The following FGFRL1 variants were observed in gnomAD, a reference collection of about 807,000 sequenced individuals.
FGFRL1 encodes fibroblast growth factor receptor-like 1.
FGFRL1 carries 24 observed loss-of-function variants against 36.8 expected under a neutral mutation model. That is an observed-to-expected ratio of 0.65 (90% CI 0.47 to 0.92). The LOEUF (loss-of-function observed/expected upper bound fraction) is 0.92. Ranked by LOEUF, FGFRL1 falls within the 40% of genes least tolerant of loss-of-function variation. The probability of loss-of-function intolerance (pLI) is 0.00; values close to 1 mark genes in which losing one functional copy is unlikely to be tolerated. For missense variants in FGFRL1, 785 were observed against 753.4 expected (o/e 1.04, Z -0.49); for synonymous variants, 422 against 344.1 (o/e 1.23, Z -2.50).
chr4:1,017,353 AG>A (rs903627023), intron 2 of FGFRL1, among the ~76,000 whole-genome samples: 9 of 152,090 alleles, frequency 5.9e-5, no homozygotes, highest in African/African-American at 2.2e-4. Context: ...GTTGGGGTTG[AG>A]GGGGCCACAC....
intron 2 of FGFRL1, among the ~76,000 whole-genome samples, chr4:1,014,372 T>C (rs1471818091): frequency 6.6e-6 from 1 of 152,254 alleles, no homozygotes; most frequent in Non-Finnish European, 1.5e-5. Context: ...TGAAATGTCT[T>C]TCACAAATAA....
chr4:1,019,610 A>G lies in FGFRL1; in HGVS notation c.80-2593A>G, dbSNP rs553720747. ...CCTGCAGCCGCTTCCTCCCCGGGAC[A>G]AATTTGCCAGAGCTGCCCCCAGCCC... On this transcript the variant is annotated intron_variant, in intron 2 of 6. Transcript: ENST00000510644. Among the ~76,000 whole-genome samples the G allele has an allele frequency of 2.0e-5, 3 of 152,314 alleles. No homozygotes were observed. In the East Asian group the frequency reaches 5.8e-4, roughly 29 times the overall value.
chr4:1,014,629 T>TG (rs35229585), intron 2 of FGFRL1, among the ~76,000 whole-genome samples: 70,282 of 152,022 alleles, frequency 0.46, 16,463 homozygotes, highest in Middle Eastern at 0.65. Flanking sequence ...GTCTGAAGGG[T>TG]TGTGATTCGG....
In FGFRL1 at chr4:1,025,693, TACAC is replaced by T. The variant is rs575306605; in HGVS notation, c.*349_*352del. On this transcript the variant is annotated 3_prime_UTR_variant, in exon 7 of 7. Transcript: ENST00000510644. ...CATACAAGGACATGCTGCCTGAACATACACACGCACACCCATGCGCAGATGTGCT... is the reference window on the plus strand; with the variant it reads ...CATACAAGGACATGCTGCCTGAACATACGCACACCCATGCGCAGATGTGCT... 3.2e-4 allele frequency: 122 copies of T among 384,428 alleles called. 1 individual carries two copies. Among genetic ancestry groups the T allele is most frequent in the Middle Eastern group, 7.3e-4 (1 of 1,362 alleles). 23.8% of individuals were successfully genotyped at this position (384,428 alleles called of 1,614,324 possible).
At position 1,023,276 on chromosome 4, in the gene FGFRL1, G is replaced by C. The variant is rs949873365; in HGVS notation, c.353-365G>C. Among the ~76,000 whole-genome samples, 1 of 152,104 alleles carries C rather than the reference G, an allele frequency of 6.6e-6. No individual in the cohort carries two copies. Among genetic ancestry groups the C allele is most frequent in the Non-Finnish European group, 1.5e-5 (1 of 67,978 alleles). ...TCCTTTCAAAGGGGACGATGACCGG[G>C]TGGTATGAGAGTCTCGTCTGTTCAC... On this transcript the variant is annotated intron_variant, in intron 3 of 6. Coordinates refer to ENST00000510644, the MANE Select transcript of FGFRL1 (RefSeq NM_001004356.3). The surrounding 1 kb of genome is among the most constrained non-coding windows in gnomAD (Gnocchi z 6.0).
chr4:1,024,843 G>T, intron 6 of FGFRL1, 62 bp from the exon 7 acceptor site: 1 of 1,510,612 alleles, frequency 6.6e-7, no homozygotes, highest in Non-Finnish European at 8.9e-7. Flanking sequence ...TGGGTCTGGG[G>T]TGCTCTCCTG....
rs770272151 is a variant in FGFRL1 at position 1,023,750 on chromosome 4, C to T, written c.433+29C>T. The T allele has an allele frequency of 1.6e-5, 25 of 1,548,180 alleles. No individual in the cohort carries two copies. The highest frequency in any genetic ancestry group is 4.1e-5 in the African/African-American group (3 of 73,688). ...AGCAGGGGGTGACGGGGGTGGGGGG[C>T]GTCCGTCTGTCCCGGCCCCTTGGCT... is the stretch of plus-strand genomic sequence containing the variant. On this transcript the variant is annotated intron_variant, in intron 4 of 6. Transcript: ENST00000510644. This position sits in a 1 kb window ranked among gnomAD's most constrained non-coding sequence, Gnocchi z 6.0.
upstream of FGFRL1, among the ~76,000 whole-genome samples, chr4:1,011,496 C>T (rs1402493057): frequency 8.7e-6 from 1 of 115,328 alleles, no homozygotes; most frequent in Non-Finnish European, 1.8e-5. Flanking sequence ...GGGGCGGGGG[C>T]GGTGTGCGCG....
chr4:1,022,441 C>T lies in FGFRL1; in HGVS notation c.318C>T (p.Gly106=), dbSNP rs754122283. Residue 106 remains glycine, a synonymous_variant, in exon 3 of 7, where the codon GGC becomes GGT. Transcript: ENST00000510644. ...TGTGCAAGGCCACCAACGGCTTCGG[C>T]AGCCTGAGCGTCAACTACACCCTCG... is the stretch of plus-strand genomic sequence containing the variant. ...VYVCKATNGF[G]SLSVNYTLVV... 3 of 1,609,144 alleles carry T rather than the reference C, an allele frequency of 1.9e-6. No individual in the cohort carries two copies. Among genetic ancestry groups the T allele is most frequent in the Admixed American group, 1.7e-5 (1 of 59,752 alleles).
Position 1,025,091 on chromosome 4 carries a change from C to T in FGFRL1, c.1259C>T (p.Pro420Leu), listed in dbSNP as rs375985073. Residue 420 changes from proline (P) to leucine (L), a missense_variant, in exon 7 of 7, where the codon CCG (proline) becomes CTG (leucine). Physicochemically the swap from Pro to Leu is moderately conservative, Grantham distance 98. Coordinates refer to ENST00000510644, the MANE Select transcript of FGFRL1 (RefSeq NM_001004356.3). ...PAPPLPGHRP[P>L]GTARDRSGDK... is the part of the protein sequence containing the mutation. Reference sequence around the variant, plus strand: ...CCTCCCCTGCCTGGGCACCGCCCGCCGGGGACGGCCCGCGACCGCAGCGGA... The same window carrying T: ...CCTCCCCTGCCTGGGCACCGCCCGCTGGGGACGGCCCGCGACCGCAGCGGA... 47 of 1,610,296 alleles carry T rather than the reference C, an allele frequency of 2.9e-5. No individual in the cohort carries two copies. In the African/African-American group the frequency reaches 2.9e-4, roughly 10 times the overall value.
intron 3 of FGFRL1, 114 bp downstream of exon 3, chr4:1,022,589 A>C: frequency 7.3e-7 from 1 of 1,364,350 alleles, no homozygotes; most frequent in East Asian, 2.5e-5. Context: ...CCCCGGCAGA[A>C]AGCCTTCCTT....
At position 1,024,965 on chromosome 4, in the gene FGFRL1, C is replaced by T. The variant is rs775146211; in HGVS notation, c.1133C>T (p.Pro378Leu). The T allele has an allele frequency of 1.2e-6, 2 of 1,608,964 alleles. No homozygotes were observed. The highest frequency in any genetic ancestry group is 1.7e-6 in the Non-Finnish European group (2 of 1,179,510). ...TCCTCGGCCACTAGCCTGCCGTGGC[C>T]CGTGGTCATCGGCATCCCAGCCGGC... ...SSSSATSLPW[P>L]VVIGIPAGAV... The change falls in exon 7 of 7, where the codon CCC becomes CTC. Residue 378 changes from proline (P) to leucine (L), a missense_variant. Pro to Leu is a moderately conservative substitution (Grantham distance 98). Transcript: ENST00000510644.
intron 2 of FGFRL1, among the ~76,000 whole-genome samples, chr4:1,021,396 G>A (rs1449223174): frequency 1.3e-5 from 2 of 152,060 alleles, no homozygotes; most frequent in Admixed American, 6.5e-5. Context: ...AGACAGGAGC[G>A]GCAGTGCCCG....
intron 2 of FGFRL1, among the ~76,000 whole-genome samples, chr4:1,017,068 C>T (rs978760436): frequency 2.0e-5 from 3 of 152,166 alleles, no homozygotes; most frequent in South Asian, 2.1e-4. Flanking sequence ...ACTAGGGGTT[C>T]GACACAGTGT....
Position 1,022,237 on chromosome 4 carries a change from G to A in FGFRL1, c.114G>A (p.Arg38=), listed in dbSNP as rs201988101. ...PPKMADKVVP[R]QVARLGRTVR... is the part of the protein sequence containing the mutation. ...AGATGGCGGACAAGGTGGTCCCACG[G>A]CAGGTGGCCCGGCTGGGCCGCACTG... Residue 38 remains arginine, a synonymous_variant, in exon 3 of 7, where the codon CGG becomes CGA. Coordinates refer to ENST00000510644, the MANE Select transcript of FGFRL1 (RefSeq NM_001004356.3). 1.3e-5 allele frequency: 20 copies of A among 1,555,902 alleles called. No homozygotes were observed. The highest frequency in any genetic ancestry group is 1.8e-5 in the Admixed American group (1 of 54,150).
chr4:1,022,581 C>T, intron 3 of FGFRL1, 106 bp downstream of exon 3: 3 of 1,403,634 alleles, frequency 2.1e-6, no homozygotes, highest in Middle Eastern at 2.6e-4. Context: ...CAGCCAGCCC[C>T]CGGCAGAAAG....
At chr4:1,022,031 G>A (rs1014406185) in intron 2 of FGFRL1, among the ~76,000 whole-genome samples, 172 bp from the exon 3 acceptor site, 15 of 152,236 alleles carry the variant, frequency 9.9e-5, no homozygotes, top group African/African-American at 3.6e-4. Flanking sequence ...GTGGGCAGCT[G>A]AGGCCTGGGT....
In FGFRL1 at chr4:1,012,330, T is replaced by C. The variant is rs112231729; in HGVS notation, c.-16-140T>C. 3.9e-3 allele frequency: 3,439 copies of C among 873,322 alleles called. 70 individuals carry two copies. In the African/African-American group the frequency reaches 0.047, roughly 12 times the overall value. The allele number at this position is 873,322 out of a possible 1,614,324, so 54.1% of individuals were successfully genotyped here. On this transcript the variant is annotated intron_variant, in intron 1 of 6. Coordinates refer to ENST00000510644, the MANE Select transcript of FGFRL1 (RefSeq NM_001004356.3). Reference sequence around the variant, plus strand: ...TTTGATACCCACAGCTTCTCCCCGCTGCGGCTTCCTCCGCCTGGAGCGCGG... The same window carrying C: ...TTTGATACCCACAGCTTCTCCCCGCCGCGGCTTCCTCCGCCTGGAGCGCGG...
rs191452512 is a variant in FGFRL1 at position 1,013,649 on chromosome 4, C to T, written c.79+1085C>T. Among the ~76,000 whole-genome samples the T allele has an allele frequency of 5.7e-4, 87 of 152,380 alleles. No homozygotes were observed. The East Asian group carries it at 0.013, about 23-fold the overall frequency. On this transcript the variant is annotated intron_variant, in intron 2 of 6. Transcript: ENST00000510644. Reference sequence around the variant, plus strand: ...CTGGGCGAGCCCCTACCATGGCCAGCGGCCTGGACTTGCATTCTCTTTGAT... The same window carrying T: ...CTGGGCGAGCCCCTACCATGGCCAGTGGCCTGGACTTGCATTCTCTTTGAT...
Sources: gnomAD v4.1 joint callset for allele counts (sites outside exome capture counted in the v4.1 genomes callset) on GRCh38, gnomAD v4.1.1 for gene constraint, Gnocchi (gnomAD v3.1) non-coding constraint, MANE v1.5 for transcripts, NCBI Gene and HGNC (gene_info 2026-07-23, HGNC 2026-07-21) for gene names.